LRBA: variants seen among roughly 807,000 people sequenced by gnomAD.
LRBA encodes lipopolysaccharide-responsive and beige-like anchor protein.
In LRBA, 176 loss-of-function variants were observed where a neutral mutation model predicts 330.0. The observed-to-expected ratio is 0.53, with a 90% confidence interval of 0.47 to 0.60. The LOEUF is 0.60. LRBA is among the 20% of genes least tolerant of loss of function. The pLI is 0.00. For missense variants in LRBA, 3,259 were observed against 3,444.8 expected (o/e 0.95, Z 1.35); for synonymous variants, 1,230 against 1,193.0 (o/e 1.03, Z -0.64).
chr4:150,360,254 A>C (rs958610175), intron 47 of LRBA, among the ~76,000 whole-genome samples: 2 of 151,984 alleles, frequency 1.3e-5, no homozygotes, highest in African/African-American at 4.8e-5. Context: ...TGGCCTTCCA[A>C]ATTGCTGGGA....
At chr4:150,732,007 T>G (rs1730520846) in intron 36 of LRBA, among the ~76,000 whole-genome samples, 1 of 151,982 alleles carries the variant, frequency 6.6e-6, no homozygotes. Flanking sequence ...CGAAAAGAAA[T>G]AATAAAAAAT....
intron 36 of LRBA, among the ~76,000 whole-genome samples, chr4:150,687,262 A>G (rs1021532270): frequency 1.2e-4 from 19 of 152,226 alleles, no homozygotes; most frequent in African/African-American, 4.3e-4. Context: ...GAGATAAGAA[A>G]TATTTACTCT....
At chr4:150,754,066 CAAA>C (rs113747160) in intron 35 of LRBA, among the ~76,000 whole-genome samples, 1 of 112,538 alleles carries the variant, frequency 8.9e-6, no homozygotes, top group Admixed American at 9.2e-5. Context: ...AGACTCCATC[CAAA>C]AAAAAAAAAA....
chr4:150,653,743 T>C (rs1254734587), intron 37 of LRBA, among the ~76,000 whole-genome samples: 1 of 152,244 alleles, frequency 6.6e-6, no homozygotes, highest in Admixed American at 6.5e-5. Flanking sequence ...TTTTAATACA[T>C]GTTCCCATTT....
At chr4:150,473,022 GTTGAGT>G (rs1370485132) in intron 42 of LRBA, among the ~76,000 whole-genome samples, 1 of 152,102 alleles carries the variant, frequency 6.6e-6, no homozygotes, top group Non-Finnish European at 1.5e-5. Context: ...TAGGTTGTAT[GTTGAGT>G]TTATCTTTAA....
At chr4:150,806,080 T>C (rs1246765491) in intron 33 of LRBA, among the ~76,000 whole-genome samples, 191 bp downstream of exon 33, 3 of 151,406 alleles carry the variant, frequency 2.0e-5, no homozygotes, top group African/African-American at 7.3e-5. Context: ...TCCATCCAAA[T>C]CACTGATAAA....
intron 2 of LRBA, among the ~76,000 whole-genome samples, chr4:151,003,719 G>A (rs1303906309): frequency 1.3e-5 from 2 of 152,070 alleles, no homozygotes; most frequent in Non-Finnish European, 2.9e-5. Context: ...TTGAGCCCGG[G>A]AGGCTGGGGT....
chr4:150,927,484 T>C lies in LRBA; in HGVS notation c.549+1032A>G, dbSNP rs1481686125. 2.7e-5 allele frequency among the ~76,000 whole-genome samples: 4 copies of C among 149,438 alleles called. No individual in the cohort carries two copies. In the South Asian group the frequency reaches 6.3e-4, roughly 24 times the overall value. On this transcript the variant is annotated intron_variant, in intron 4 of 56. Transcript: ENST00000651943. ...ATCAGTTAACTTGAGACTACAGCAA[T>C]AAAAACTATCTAAAATAAAGCACAA...
At position 150,828,367 on chromosome 4, in the gene LRBA, A is replaced by G. The variant is rs758758057; in HGVS notation, c.4984T>C (p.Leu1662=). 4.3e-6 allele frequency: 7 copies of G among 1,614,010 alleles called. No homozygotes were observed. In the South Asian group the frequency reaches 7.7e-5, roughly 18 times the overall value. ...ACTGACGGTGTAGCCTTAGTGTCCA[A>G]GTCATTTCCTCTATCATTTTTGGTT... ...PETKNDRGND[L]DTKATPSVSV... The change falls in exon 30 of 57, where the codon TTG becomes CTG. Residue 1662 remains leucine (L), a synonymous_variant. Coordinates refer to ENST00000651943, the MANE Select transcript of LRBA (RefSeq NM_001364905.1).
chr4:150,921,151 A>G, intron 5 of LRBA, 47 bp downstream of exon 5: 1 of 1,287,912 alleles, frequency 7.8e-7, no homozygotes, highest in South Asian at 1.2e-5. Context: ...TTCAGGGAGC[A>G]AAGGAAAGAA....
At chr4:150,279,170 T>C (rs1747193323) in intron 55 of LRBA, among the ~76,000 whole-genome samples, 1 of 152,220 alleles carries the variant, frequency 6.6e-6, no homozygotes, top group Non-Finnish European at 1.5e-5. Context: ...CTATTATTTG[T>C]TTATGACTGC....
chr4:150,775,473 ACACACACACACACACACACACACACAC>A (rs1211873471), intron 34 of LRBA, among the ~76,000 whole-genome samples: 6 of 150,882 alleles, frequency 4.0e-5, no homozygotes, highest in Admixed American at 2.7e-4. Flanking sequence ...ACACACACAC[ACACACACACACACACACACACACACAC>A]ACAGTGATTG....
intron 2 of LRBA, among the ~76,000 whole-genome samples, chr4:150,932,581 C>A (rs1245921824): frequency 6.6e-6 from 1 of 152,108 alleles, no homozygotes; most frequent in African/African-American, 2.4e-5. Context: ...TACTGTCATA[C>A]ATTACTGTTG....
At chr4:150,641,320 T>C (rs1778659857) in intron 37 of LRBA, among the ~76,000 whole-genome samples, 1 of 152,168 alleles carries the variant, frequency 6.6e-6, no homozygotes, top group Non-Finnish European at 1.5e-5. Context: ...ATTCAATGAA[T>C]ATTTAACTAA....
At chr4:150,371,664 A>G (rs1740349996) in intron 47 of LRBA, among the ~76,000 whole-genome samples, 1 of 152,054 alleles carries the variant, frequency 6.6e-6, no homozygotes. Context: ...CAGAGAGCTG[A>G]GAACATAAAA....
intron 47 of LRBA, among the ~76,000 whole-genome samples, chr4:150,406,136 T>C (rs1177961355): frequency 6.6e-6 from 1 of 151,768 alleles, no homozygotes; most frequent in African/African-American, 2.4e-5. Context: ...AAAAATTTAA[T>C]GAAAATAGTA....
intron 36 of LRBA, chr4:150,721,370 T>C: frequency 3.4e-6 from 1 of 292,198 alleles, no homozygotes; most frequent in Non-Finnish European, 6.6e-6. Flanking sequence ...GAGAAGAATT[T>C]TCATTGTCCA....
chr4:150,812,070 A>G (rs1354775744), intron 31 of LRBA, among the ~76,000 whole-genome samples: 1 of 152,196 alleles, frequency 6.6e-6, no homozygotes, highest in Non-Finnish European at 1.5e-5. Context: ...GAAAGAATAA[A>G]CTAAATACAC....
At chr4:150,896,197 A>G (rs1236145793) in intron 16 of LRBA, among the ~76,000 whole-genome samples, 197 bp downstream of exon 16, 1 of 152,158 alleles carries the variant, frequency 6.6e-6, no homozygotes, top group African/African-American at 2.4e-5. Context: ...AAAGCCTTTC[A>G]TGATGATTCT....
Sources: allele counts gnomAD v4.1 joint callset (sites outside exome capture counted in the v4.1 genomes callset), GRCh38; gene constraint gnomAD v4.1.1; transcripts MANE v1.5; gene names NCBI Gene and HGNC (gene_info 2026-07-23, HGNC 2026-07-21).